CFAP418: variants seen among roughly 807,000 people sequenced by gnomAD.
CFAP418 encodes cilia and flagella associated protein 418, also known as cilia- and flagella-associated protein 418.
In CFAP418, 27 loss-of-function variants were observed where a neutral mutation model predicts 24.7. The observed-to-expected ratio is 1.09, with a 90% CI of 0.81 to 1.51. The LOEUF (loss-of-function observed/expected upper bound fraction) is 1.51, where lower values mean the gene tolerates loss of function less well. Ranked by LOEUF, CFAP418 falls within the 40% of genes most tolerant of loss-of-function variation. The probability of loss-of-function intolerance (pLI) is 0.00; values close to 1 mark genes in which losing one functional copy is unlikely to be tolerated. For synonymous variants in CFAP418, 74 were observed against 87.3 expected, an observed-to-expected ratio of 0.85 and a Z score of 0.85; for missense variants, 257 against 255.2, an observed-to-expected ratio of 1.01 and a Z score of -0.05.
At chr8:95,250,708 T>C (rs1811692626) in intron 5 of CFAP418, among the ~76,000 whole-genome samples, 1 of 152,200 alleles carries the variant, frequency 6.6e-6, no homozygotes, top group Non-Finnish European at 1.5e-5. Context: ...AAGTATGGGT[T>C]CCTAACCTCA....
intron 1 of CFAP418, 62 bp downstream of exon 1, chr8:95,268,973 G>A (rs1812087013): frequency 2.0e-6 from 3 of 1,532,702 alleles, no homozygotes; most frequent in Non-Finnish European, 2.7e-6. Flanking sequence ...GCGGCGGAGG[G>A]GCAGCTCTAG....
intron 4 of CFAP418, among the ~76,000 whole-genome samples, chr8:95,259,270 T>C (rs1322880453): frequency 6.6e-6 from 1 of 152,212 alleles, no homozygotes; most frequent in Non-Finnish European, 1.5e-5. Context: ...CAATGGAATG[T>C]GCTAGGACTA....
At chr8:95,250,104 T>C (rs1811684729) in intron 5 of CFAP418, among the ~76,000 whole-genome samples, 1 of 152,212 alleles carries the variant, frequency 6.6e-6, no homozygotes, top group African/African-American at 2.4e-5. Flanking sequence ...AAGAGTGTCA[T>C]AGACTAGGTG....
chr8:95,251,067 T>TA (rs1811699242), intron 5 of CFAP418, among the ~76,000 whole-genome samples: 1 of 152,252 alleles, frequency 6.6e-6, no homozygotes, highest in Non-Finnish European at 1.5e-5. Context: ...TTATAACTTG[T>TA]AACACCTTAA....
intron 1 of CFAP418, among the ~76,000 whole-genome samples, chr8:95,266,067 C>T (rs1811973738): frequency 1.3e-5 from 2 of 152,134 alleles, no homozygotes; most frequent in African/African-American, 2.4e-5. Flanking sequence ...CTACTATGTC[C>T]TTGTGATTTA....
intron 1 of CFAP418, among the ~76,000 whole-genome samples, chr8:95,267,428 C>A (rs181569140): frequency 4.0e-4 from 61 of 152,136 alleles, no homozygotes; most frequent in African/African-American, 6.7e-4. Context: ...GGTGAAACCC[C>A]GTTTCTACCA....
At chr8:95,258,165 G>A (rs1039431417) in intron 4 of CFAP418, among the ~76,000 whole-genome samples, 14 of 152,100 alleles carry the variant, frequency 9.2e-5, no homozygotes, top group African/African-American at 3.1e-4. Context: ...AACAGATCAT[G>A]AGGTCAGGAG....
At chr8:95,266,869 C>T (rs1309706615) in intron 1 of CFAP418, among the ~76,000 whole-genome samples, 1 of 152,214 alleles carries the variant, frequency 6.6e-6, no homozygotes, top group Admixed American at 6.5e-5. Flanking sequence ...AGGCATGACA[C>T]AACCCATGGT....
intron 5 of CFAP418, among the ~76,000 whole-genome samples, chr8:95,249,303 A>G (rs1811673196): frequency 6.6e-6 from 1 of 152,246 alleles, no homozygotes; most frequent in Non-Finnish European, 1.5e-5. Flanking sequence ...ATAGAAAAAT[A>G]AAAGCATTTT....
chr8:95,255,207 C>T (rs1039897703), intron 4 of CFAP418, among the ~76,000 whole-genome samples: 1 of 152,132 alleles, frequency 6.6e-6, no homozygotes, highest in Non-Finnish European at 1.5e-5. Flanking sequence ...TTCCAAAATC[C>T]TCAAAAGGAT....
chr8:95,252,208 C>G lies in CFAP418; in HGVS notation c.450G>C (p.Ser150=). 6.2e-7 allele frequency: 1 copy of G among 1,612,504 alleles called. No individual in the cohort carries two copies. Among genetic ancestry groups the G allele is most frequent in the Non-Finnish European group, 8.5e-7 (1 of 1,179,208 alleles). Residue 150 remains serine (S), a synonymous_variant, in exon 5 of 6, where the codon TCG becomes TCC. Transcript: ENST00000286688. ...VSYDDYMWDK[S]CDYLFFRNNM... ...CATACCTGAAAAACAGATAATCACA[C>G]GATTTGTCCCACATATAGTCATCAT... is the stretch of plus-strand genomic sequence containing the variant.
intron 5 of CFAP418, among the ~76,000 whole-genome samples, chr8:95,248,370 A>G (rs1419405713): frequency 6.6e-6 from 1 of 152,204 alleles, no homozygotes; most frequent in Non-Finnish European, 1.5e-5. Context: ...AATAGGGTGG[A>G]AAGGATGGTG....
chr8:95,261,990 G>T (rs548256233), intron 2 of CFAP418, among the ~76,000 whole-genome samples: 5 of 152,302 alleles, frequency 3.3e-5, no homozygotes, highest in Admixed American at 2.0e-4. Context: ...CAGTATTTAG[G>T]AAGTATTCTA....
At chr8:95,248,114 T>C (rs181421850) in intron 5 of CFAP418, among the ~76,000 whole-genome samples, 3 of 152,276 alleles carry the variant, frequency 2.0e-5, no homozygotes, top group East Asian at 3.9e-4. Context: ...AGTGCTGAGA[T>C]TGCAGGCATG....
chr8:95,261,900 G>C (rs1458322993), intron 2 of CFAP418, among the ~76,000 whole-genome samples: 2 of 152,178 alleles, frequency 1.3e-5, no homozygotes, highest in Non-Finnish European at 2.9e-5. Flanking sequence ...TTAATGAAGA[G>C]CAACAAAATG....
At chr8:95,260,352 A>G (rs748520059) in intron 3 of CFAP418, 116 bp downstream of exon 3, 220 of 739,176 alleles carry the variant, frequency 3.0e-4, no homozygotes, top group Non-Finnish European at 4.3e-4. Context: ...CTGAAGGCCA[A>G]CCAATGCTTT....
intron 2 of CFAP418, among the ~76,000 whole-genome samples, chr8:95,263,419 G>A (rs543188697): frequency 1.3e-5 from 2 of 152,238 alleles, no homozygotes; most frequent in South Asian, 4.1e-4. Context: ...ATAAATACAA[G>A]TGACCAGCTT....
intron 5 of CFAP418, among the ~76,000 whole-genome samples, chr8:95,248,533 C>A (rs888657470): frequency 7.9e-5 from 12 of 152,078 alleles, no homozygotes; most frequent in African/African-American, 2.9e-4. Context: ...TTTATTCATA[C>A]TATCAGCAAC....
chr8:95,268,776 G>GGGCGGGGCGGGGCGGGGCAGGGCGGGGCA lies in CFAP418; in HGVS notation c.155+258_155+259insTGCCCCGCCCTGCCCCGCCCCGCCCCGCC, dbSNP rs1554559652. The GGGCGGGGCGGGGCGGGGCAGGGCGGGGCA allele has an allele frequency of 1.3e-5, 3 of 229,138 alleles. No homozygotes were observed. In the Admixed American group the frequency reaches 1.8e-4, roughly 14 times the overall value. The allele number at this position is 229,138 out of a possible 1,614,324, so 14.2% of individuals were successfully genotyped here. A position where few individuals can be genotyped will look rare whatever the true frequency, so the allele number is the denominator to read the frequency against. The stretch of plus-strand genomic sequence containing the variant: ...CGGGCGGGGCGGGGCGGGGCGGGGC[G>GGGCGGGGCGGGGCGGGGCAGGGCGGGGCA]GGGCGGGGCGGGGCGGGGGCCAGCC... On this transcript the variant is annotated intron_variant, in intron 1 of 5. Transcript: ENST00000286688.
Sources: gnomAD v4.1 joint callset for allele counts (sites outside exome capture counted in the v4.1 genomes callset) on GRCh38, gnomAD v4.1.1 for gene constraint, MANE v1.5 for transcripts, NCBI Gene and HGNC (gene_info 2026-07-23, HGNC 2026-07-21) for gene names.